UBR1: variants seen among roughly 807,000 people sequenced by gnomAD.
The protein encoded by UBR1 is E3 ubiquitin-protein ligase UBR1.
Under a neutral mutation model 242.1 loss-of-function variants are expected in UBR1, and 102 were observed. The ratio of observed to expected loss-of-function variants is 0.42; its 90% CI spans 0.36 to 0.50. The LOEUF (loss-of-function observed/expected upper bound fraction) is 0.50. Among genes scored for constraint, UBR1 ranks in the 20% least tolerant of loss-of-function variants. The pLI, the probability that UBR1 is intolerant of heterozygous loss-of-function variation, is 0.01. For missense variants in UBR1, 1,772 were observed against 2,101.8 expected, an observed-to-expected ratio of 0.84 and a Z score of 3.07; for synonymous variants, 675 against 684.8, an observed-to-expected ratio of 0.99 and a Z score of 0.22.
chr15:42,969,915 T>C (rs916985129), intron 40 of UBR1, among the ~76,000 whole-genome samples: 1 of 152,228 alleles, frequency 6.6e-6, no homozygotes, highest in Non-Finnish European at 1.5e-5. Context: ...ATGGTCGTAC[T>C]GCTCAAAGTA....
In UBR1 at chr15:42,944,302, C is replaced by T. The variant is rs959504163; in HGVS notation, c.*1027G>A. ...ACAGCATGTTATAACAGGACACAGACTATTGATCACATGGCTTTTTTGGTG... is the reference window on the plus strand; with the variant it reads ...ACAGCATGTTATAACAGGACACAGATTATTGATCACATGGCTTTTTTGGTG... On this transcript the variant is annotated 3_prime_UTR_variant, in exon 47 of 47. Transcript: ENST00000290650. The T allele has an allele frequency of 6.6e-6, 1 of 152,610 alleles. No individual in the cohort carries two copies. The highest frequency in any genetic ancestry group is 1.9e-4 in the East Asian group (1 of 5,206). 9.5% of individuals were successfully genotyped at this position (152,610 alleles called of 1,614,324 possible).
At chr15:43,054,085 C>T (rs1442777753) in intron 12 of UBR1, among the ~76,000 whole-genome samples, 2 of 152,166 alleles carry the variant, frequency 1.3e-5, no homozygotes, top group Non-Finnish European at 2.9e-5. Flanking sequence ...CGCAGTAGCT[C>T]ATGACTGTAA....
chr15:42,972,736 T>C (rs959639590), intron 39 of UBR1, among the ~76,000 whole-genome samples: 7 of 152,226 alleles, frequency 4.6e-5, no homozygotes, highest in Non-Finnish European at 8.8e-5. Context: ...AATTTATTTA[T>C]CCACCCACCT....
At chr15:43,071,624 T>G (rs1477280432) in intron 4 of UBR1, among the ~76,000 whole-genome samples, 1 of 152,224 alleles carries the variant, frequency 6.6e-6, no homozygotes, top group East Asian at 1.9e-4. Context: ...TAATGTCATA[T>G]GCTTAACCAT....
intron 14 of UBR1, among the ~76,000 whole-genome samples, chr15:43,043,643 C>T (rs2033448140): frequency 6.6e-6 from 1 of 152,098 alleles, no homozygotes; most frequent in Non-Finnish European, 1.5e-5. Flanking sequence ...GGCAGGGTCT[C>T]CGCATGTTGG....
chr15:42,974,269 G>A (rs554111155), intron 39 of UBR1, among the ~76,000 whole-genome samples: 1 of 152,294 alleles, frequency 6.6e-6, no homozygotes. Flanking sequence ...AGGGTGTAAA[G>A]TCTGTGTCTA....
At chr15:42,970,716 A>T in intron 39 of UBR1, 109 bp from the exon 40 acceptor site, 1 of 981,338 alleles carries the variant, frequency 1.0e-6, no homozygotes, top group Non-Finnish European at 1.5e-6. Flanking sequence ...CATTCAACTG[A>T]GGTTCTTTCC....
chr15:43,096,442 G>A (rs934573247), intron 1 of UBR1, among the ~76,000 whole-genome samples: 6 of 152,150 alleles, frequency 3.9e-5, no homozygotes, highest in Non-Finnish European at 7.3e-5. Context: ...GATTACAGCC[G>A]TGAGCCAACG....
chr15:43,054,405 G>A (rs1283397667), intron 12 of UBR1, among the ~76,000 whole-genome samples: 1 of 151,986 alleles, frequency 6.6e-6, no homozygotes, highest in Non-Finnish European at 1.5e-5. Flanking sequence ...TATGCACAAA[G>A]AGACTATATA....
chr15:43,031,312 GA>G (rs996909468), intron 20 of UBR1, among the ~76,000 whole-genome samples: 17 of 151,540 alleles, frequency 1.1e-4, no homozygotes, highest in African/African-American at 3.9e-4. Context: ...ATAACAGTAG[GA>G]AAAATAAAAC....
intron 32 of UBR1, among the ~76,000 whole-genome samples, chr15:43,001,235 C>T (rs1020596452): frequency 6.6e-6 from 1 of 152,138 alleles, no homozygotes; most frequent in African/African-American, 2.4e-5. Context: ...CAACTGCCAC[C>T]TCCCAGGTTC....
intron 2 of UBR1, among the ~76,000 whole-genome samples, chr15:43,085,233 C>T (rs2034020969): frequency 6.6e-6 from 1 of 152,220 alleles, no homozygotes; most frequent in African/African-American, 2.4e-5. Context: ...ATGATTTATA[C>T]TACTTGTTAT....
intron 15 of UBR1, among the ~76,000 whole-genome samples, chr15:43,039,890 G>T (rs573008360): frequency 4.6e-5 from 7 of 152,076 alleles, no homozygotes; most frequent in Non-Finnish European, 1.0e-4. Context: ...TAGCATGAAG[G>T]GCTGTTGAAT....
At chr15:42,961,808 C>G (rs1279878022) in intron 42 of UBR1, among the ~76,000 whole-genome samples, 1 of 151,262 alleles carries the variant, frequency 6.6e-6, no homozygotes, top group Non-Finnish European at 1.5e-5. Context: ...AGAGTGGAGT[C>G]CAATGGTGTG....
rs539709704 is a variant in UBR1 at position 42,980,573 on chromosome 15, G to T, written c.4151-2626C>A. On this transcript the variant is annotated intron_variant, in intron 37 of 46. Coordinates refer to ENST00000290650, the MANE Select transcript of UBR1 (RefSeq NM_174916.3). ...GGCATAGCACATGGCAGTGAGCATT[G>T]TATGTCCTATCTATCTATCCATCCA... 2.5e-4 allele frequency among the ~76,000 whole-genome samples: 38 copies of T among 152,106 alleles called. 1 individual carries two copies. Among genetic ancestry groups the T allele is most frequent in the Admixed American group, 2.0e-3 (30 of 15,262 alleles).
intron 21 of UBR1, among the ~76,000 whole-genome samples, chr15:43,028,102 A>T (rs556662069): frequency 6.3e-4 from 96 of 152,320 alleles, no homozygotes; most frequent in African/African-American, 2.2e-3. Flanking sequence ...CATCTACAGC[A>T]TACACACATA....
At chr15:42,983,131 T>C (rs74009235) in intron 37 of UBR1, among the ~76,000 whole-genome samples, 6 of 152,258 alleles carry the variant, frequency 3.9e-5, no homozygotes, top group African/African-American at 1.4e-4. Flanking sequence ...GTCAAAGAAA[T>C]GGGCATGGAA....
chr15:43,085,378 C>G (rs1411681688), intron 2 of UBR1, among the ~76,000 whole-genome samples: 2 of 152,122 alleles, frequency 1.3e-5, no homozygotes, highest in Non-Finnish European at 2.9e-5. Flanking sequence ...ATATTATGAA[C>G]AAGGCAAAAA....
Position 43,047,083 on chromosome 15 carries a change from G to A in UBR1, c.1668+78C>T, listed in dbSNP as rs1321541876. ...ATAATAAAAACTTTACATCAAGGAA[G>A]CTGCAACATAAAACTATACTATTAA... On this transcript the variant is annotated intron_variant, in intron 14 of 46. Coordinates refer to ENST00000290650, the MANE Select transcript of UBR1 (RefSeq NM_174916.3). The A allele has an allele frequency of 9.8e-6, 15 of 1,526,060 alleles. No homozygotes were observed. The Admixed American group carries it at 2.6e-4, about 26-fold the overall frequency. 94.5% of individuals were successfully genotyped at this position (1,526,060 alleles called of 1,614,324 possible). A position where few individuals can be genotyped will look rare whatever the true frequency, so the allele number is the denominator to read the frequency against.
Sources: gnomAD v4.1 joint callset for allele counts (sites outside exome capture counted in the v4.1 genomes callset) on GRCh38, gnomAD v4.1.1 for gene constraint, MANE v1.5 for transcripts, NCBI Gene and HGNC (gene_info 2026-07-23, HGNC 2026-07-21) for gene names.